PIEZO1: variants seen among roughly 807,000 people sequenced by gnomAD.
PIEZO1 encodes piezo type mechanosensitive ion channel component 1 (Er blood group).
A neutral mutation model predicts 297.2 loss-of-function variants in PIEZO1; 296 were observed. That is an observed-to-expected ratio of 1.00 (90% CI 0.91 to 1.10). The LOEUF is 1.10. Among genes scored for constraint, PIEZO1 ranks in the 50% least tolerant of loss-of-function variants. PIEZO1 has a pLI of 0.00. For missense variants in PIEZO1, 5,018 were observed against 3,455.5 expected (o/e 1.45, Z -11.34); for synonymous variants, 2,427 against 1,507.5 (o/e 1.61, Z -14.13).
chr16:88,744,867 C>T (rs77383267), intron 2 of PIEZO1, among the ~76,000 whole-genome samples: 7,786 of 152,076 alleles, frequency 0.051, 284 homozygotes, highest in Middle Eastern at 0.11. Flanking sequence ...CGGGAAGAGA[C>T]GCTGCTGGAG....
chr16:88,717,697 A>AAGAG (rs1912149919), intron 44 of PIEZO1: 4 of 437,286 alleles, frequency 9.1e-6, no homozygotes, highest in South Asian at 6.6e-5. Context: ...AAGAAAATTT[A>AAGAG]AGAGACAGTC....
At chr16:88,755,243 G>A (rs1906596121) in intron 1 of PIEZO1, among the ~76,000 whole-genome samples, 1 of 152,260 alleles carries the variant, frequency 6.6e-6, no homozygotes, top group Admixed American at 6.5e-5. Flanking sequence ...GGCCTAGCTG[G>A]CTGTGGGGAC....
intron 31 of PIEZO1, 52 bp downstream of exon 31, chr16:88,723,819 G>T: frequency 1.0e-6 from 1 of 981,486 alleles, no homozygotes. Context: ...CCCTGGTCCA[G>T]GACCACAAGC....
Position 88,738,212 on chromosome 16 carries a change from G to T in PIEZO1, c.848+15C>A. 3 of 1,534,828 alleles carry T rather than the reference G, an allele frequency of 2.0e-6. No individual in the cohort carries two copies. Among genetic ancestry groups the T allele is most frequent in the Non-Finnish European group, 2.6e-6 (3 of 1,145,958 alleles). Reference sequence around the variant, plus strand: ...CAGGGTGGCAGGAAAAAGGGGCTGTGTGGCAAGCCGTTACCTAGCCCAGAT... The same window carrying T: ...CAGGGTGGCAGGAAAAAGGGGCTGTTTGGCAAGCCGTTACCTAGCCCAGAT... On this transcript the variant is annotated intron_variant, in intron 7 of 50. Coordinates refer to ENST00000301015, the MANE Select transcript of PIEZO1 (RefSeq NM_001142864.4).
At chr16:88,741,265 C>CT in intron 5 of PIEZO1, 1 of 516,610 alleles carries the variant, frequency 1.9e-6, no homozygotes, top group Non-Finnish European at 3.4e-6. Context: ...AGGTTTCTGA[C>CT]TAGAGGCAGA....
rs1232590915 is a variant in PIEZO1 at position 88,715,873 on chromosome 16, A to G, written c.7317-19T>C. 2 of 1,547,892 alleles carry G rather than the reference A, an allele frequency of 1.3e-6. No homozygotes were observed. The highest frequency in any genetic ancestry group is 1.7e-6 in the Non-Finnish European group (2 of 1,145,372). Reference sequence around the variant, plus strand: ...CATGATGCTGCGGGGGAAGCTGGTGAGTCCTGGGGCCGCCCGGAGCCCCCC... The same window carrying G: ...CATGATGCTGCGGGGGAAGCTGGTGGGTCCTGGGGCCGCCCGGAGCCCCCC... On this transcript the variant is annotated intron_variant, in intron 50 of 50. Transcript: ENST00000301015.
intron 2 of PIEZO1, among the ~76,000 whole-genome samples, chr16:88,747,615 C>T (rs949874908): frequency 2.6e-5 from 4 of 152,218 alleles, no homozygotes; most frequent in African/African-American, 4.8e-5. Context: ...GGCCGGAGAG[C>T]GACCTTCCAC....
rs1460170505 is a variant in PIEZO1 at position 88,719,803 on chromosome 16, C to A, written c.6322G>T (p.Gly2108Trp). ...YNHLNLFLFQGFRLVPFLVEL... is the reference protein window; with the variant it reads ...YNHLNLFLFQWFRLVPFLVEL... ...CCACCCCGGCGGACCTGCACTCACCCCTGGAAGAGGAAGAGGTTGAGATGA... is the reference window on the plus strand; with the variant it reads ...CCACCCCGGCGGACCTGCACTCACCACTGGAAGAGGAAGAGGTTGAGATGA... Residue 2108 changes from glycine (G) to tryptophan (W), a missense_variant and splice_region_variant, in exon 43 of 51, where the codon GGG (glycine) becomes TGG (tryptophan). Transcript: ENST00000301015. 4 of 1,550,500 alleles carry A rather than the reference C, an allele frequency of 2.6e-6. No homozygotes were observed. In the South Asian group the frequency reaches 4.8e-5, roughly 18 times the overall value.
rs1247951233 is a variant in PIEZO1 at position 88,736,288 on chromosome 16, A to G, written c.1417T>C (p.Tyr473His). 6.5e-7 allele frequency: 1 copy of G among 1,550,182 alleles called. No homozygotes were observed. Among genetic ancestry groups the G allele is most frequent in the African/African-American group, 1.4e-5 (1 of 73,150 alleles). Residue 473 changes from tyrosine (Y) to histidine (H), a missense_variant, in exon 12 of 51, where the codon TAT (tyrosine) becomes CAT (histidine). By Grantham distance (83) the Tyr-to-His change is moderately conservative. Transcript: ENST00000301015. ...AMLCSPCILL[Y>H]GMTLCCLRYV... Reference sequence around the variant, plus strand: ...CGTAGGCAGCACAGCGTCATCCCATACAGCAGGATGCAGGGCGAGCACAGC... The same window carrying G: ...CGTAGGCAGCACAGCGTCATCCCATGCAGCAGGATGCAGGGCGAGCACAGC...
intron 1 of PIEZO1, among the ~76,000 whole-genome samples, chr16:88,771,027 A>C (rs6500504): frequency 1 from 152,207 of 152,346 alleles, 76,034 homozygotes; most frequent in Middle Eastern, 1. Flanking sequence ...GCTCCACCCT[A>C]TCACGTCTTG....
In PIEZO1 at chr16:88,719,724, G is replaced by T. The variant is rs1302623209; in HGVS notation, c.6324-3C>A. 6.4e-7 allele frequency: 1 copy of T among 1,550,710 alleles called. No individual in the cohort carries two copies. The highest frequency in any genetic ancestry group is 1.2e-5 in the South Asian group (1 of 84,064). On this transcript the variant is annotated splice_polypyrimidine_tract_variant and splice_region_variant and intron_variant, in intron 43 of 50. Transcript: ENST00000301015. ...CCAGGAACGGCACCAGCCGGAACCT[G>T]CCCACAGCCAGGGTTCCCGTCAGGT... is the stretch of plus-strand genomic sequence containing the variant.
chr16:88,725,292 T>C (rs1185080532), intron 29 of PIEZO1, 124 bp downstream of exon 29: 3 of 710,886 alleles, frequency 4.2e-6, no homozygotes, highest in Non-Finnish European at 6.7e-6. Context: ...AGGGTGATCA[T>C]GCGGACAGGA....
intron 44 of PIEZO1, chr16:88,717,591 A>G (rs776834421): frequency 4.3e-6 from 2 of 470,150 alleles, no homozygotes; most frequent in South Asian, 1.6e-5. Flanking sequence ...AACTTTTAGA[A>G]GAAAACGGGC....
Position 88,741,533 on chromosome 16 carries a change from C to G in PIEZO1, c.410G>C (p.Gly137Ala). ...GTTCCTTGCAAGGCGCCCGCAGATG[C>G]CGAGGCAGACAGAGGAGACCACCAA... Reference protein sequence around the residue: ...GILVVSSVCLGICGRLARNTR... With the variant: ...GILVVSSVCLAICGRLARNTR... The change falls in exon 5 of 51, where the codon GGC (glycine) becomes GCC (alanine). Residue 137 changes from glycine to alanine, a missense_variant. Gly to Ala is a moderately conservative substitution (Grantham distance 60). Coordinates refer to ENST00000301015, the MANE Select transcript of PIEZO1 (RefSeq NM_001142864.4). 1 of 1,535,694 alleles carries G rather than the reference C, an allele frequency of 6.5e-7. No homozygotes were observed. Among genetic ancestry groups the G allele is most frequent in the Non-Finnish European group, 8.7e-7 (1 of 1,146,762 alleles).
Position 88,736,409 on chromosome 16 carries a change from C to T in PIEZO1, c.1297-1G>A, listed in dbSNP as rs1905219617. ...AGCTGTGGTAGGTGATGCTCCATAC[C>T]TGCGCGGCAGAGAGGGCTGCACAGC... On this transcript the variant is annotated splice_acceptor_variant, in intron 11 of 50. Transcript: ENST00000301015. LOFTEE classifies it high-confidence loss of function. 9 of 1,539,060 alleles carry T rather than the reference C, an allele frequency of 5.8e-6. No individual in the cohort carries two copies. The highest frequency in any genetic ancestry group is 7.9e-6 in the Non-Finnish European group (9 of 1,141,726).
chr16:88,717,196 T>C lies in PIEZO1; in HGVS notation c.6487A>G (p.Lys2163Glu). ...ACGATCTTCTTCTTCTTCTGCCCTT[T>C]GGGCTGCGGGTATTTCTGGAGGGGA... Reference protein sequence around the residue: ...RETEKKYPQPKGQKKKKIVKY... With the variant: ...RETEKKYPQPEGQKKKKIVKY... The change falls in exon 45 of 51, where the codon AAA becomes GAA. Residue 2163 changes from lysine (K) to glutamate (E), a missense_variant. Lys to Glu is a moderately conservative substitution (Grantham distance 56). Coordinates refer to ENST00000301015, the MANE Select transcript of PIEZO1 (RefSeq NM_001142864.4). The C allele has an allele frequency of 5.2e-6, 8 of 1,549,694 alleles. No homozygotes were observed. The highest frequency in any genetic ancestry group is 1.7e-4 in the Middle Eastern group (1 of 5,994).
At chr16:88,755,424 C>T (rs1029662320) in intron 1 of PIEZO1, among the ~76,000 whole-genome samples, 1 of 152,188 alleles carries the variant, frequency 6.6e-6, no homozygotes, top group African/African-American at 2.4e-5. Flanking sequence ...CCTAAACAAA[C>T]CCGGTGCTGC....
At position 88,732,344 on chromosome 16, in the gene PIEZO1, G is replaced by C. The variant is rs374262841; in HGVS notation, c.2982C>G (p.Phe994Leu). 183 of 1,549,272 alleles carry C rather than the reference G, an allele frequency of 1.2e-4. 1 individual carries two copies. The African/African-American group carries it at 2.3e-3, about 19-fold the overall frequency. Residue 994 changes from phenylalanine (F) to leucine (L), a missense_variant, in exon 21 of 51, where the codon TTC (phenylalanine) becomes TTG (leucine). Transcript: ENST00000301015. ...KYFINFFFYK[F>L]GLEICFLMAV... ...AATGTCCTTGCCTCACCTCCAGCCC[G>C]AATTTGTAGAAGAAGAAGTTGATGA...
At chr16:88,766,918 T>C (rs1277022148) in intron 1 of PIEZO1, among the ~76,000 whole-genome samples, 1 of 152,162 alleles carries the variant, frequency 6.6e-6, no homozygotes, top group Non-Finnish European at 1.5e-5. Flanking sequence ...CCCCTTTCCA[T>C]GAAATCTCAG....
Sources: allele counts gnomAD v4.1 joint callset (sites outside exome capture counted in the v4.1 genomes callset), GRCh38; gene constraint gnomAD v4.1.1; transcripts MANE v1.5; gene names NCBI Gene and HGNC (gene_info 2026-07-23, HGNC 2026-07-21).